DSCAM: variants seen among roughly 807,000 people sequenced by gnomAD.
DSCAM encodes DS cell adhesion molecule, also known as cell adhesion molecule DSCAM.
Under a neutral mutation model 217.7 loss-of-function variants are expected in DSCAM, and 47 were observed. The observed-to-expected ratio is 0.22, with a 90% CI of 0.17 to 0.28. The LOEUF (loss-of-function observed/expected upper bound fraction) is 0.28, where lower values mean the gene tolerates loss of function less well. DSCAM is among the 10% of genes least tolerant of loss of function. The pLI, the probability that DSCAM is intolerant of heterozygous loss-of-function variation, is 1.00. For missense variants in DSCAM, 2,080 were observed against 2,618.3 expected (o/e 0.79, Z 4.49); for synonymous variants, 1,056 against 1,015.3 (o/e 1.04, Z -0.76).
intron 3 of DSCAM, among the ~76,000 whole-genome samples, chr21:40,505,056 C>A (rs1053194717): frequency 2.6e-5 from 4 of 152,166 alleles, no homozygotes; most frequent in Non-Finnish European, 5.9e-5. Flanking sequence ...AAGAGCCTAT[C>A]AATGACTTGG....
chr21:40,269,858 CAA>C (rs1309520841), intron 11 of DSCAM, among the ~76,000 whole-genome samples: 77 of 152,148 alleles, frequency 5.1e-4, no homozygotes, highest in African/African-American at 1.8e-3. Flanking sequence ...ATTATACCTG[CAA>C]TGTGCAAGTA....
At chr21:40,160,386 G>A (rs951777176) in intron 16 of DSCAM, among the ~76,000 whole-genome samples, 4 of 152,052 alleles carry the variant, frequency 2.6e-5, no homozygotes, top group East Asian at 3.9e-4. Flanking sequence ...TTTAACTTAC[G>A]CTAATGTTAC....
intron 1 of DSCAM, among the ~76,000 whole-genome samples, chr21:40,842,263 G>C (rs539655227): frequency 1.3e-5 from 2 of 152,318 alleles, no homozygotes; most frequent in East Asian, 1.9e-4. Context: ...GCCCACACGC[G>C]CTTGTTTGTG....
At chr21:40,219,701 T>C (rs980086052) in intron 11 of DSCAM, among the ~76,000 whole-genome samples, 2 of 152,208 alleles carry the variant, frequency 1.3e-5, no homozygotes, top group Non-Finnish European at 2.9e-5. Context: ...ATGTAAATAT[T>C]TGTGCATCTC....
intron 3 of DSCAM, among the ~76,000 whole-genome samples, chr21:40,608,817 TG>T (rs1462354479): frequency 6.6e-6 from 1 of 152,210 alleles, no homozygotes; most frequent in African/African-American, 2.4e-5. Flanking sequence ...TGGTTTGAAG[TG>T]TACCAGGGAC....
chr21:40,307,886 G>A (rs1341145358), intron 9 of DSCAM, among the ~76,000 whole-genome samples: 1 of 145,780 alleles, frequency 6.9e-6, no homozygotes, highest in Non-Finnish European at 1.5e-5. Flanking sequence ...TGAACAATGA[G>A]AACACATGGA....
intron 30 of DSCAM, 106 bp from the exon 31 acceptor site, chr21:40,044,381 C>T (rs2088809257): frequency 8.5e-6 from 10 of 1,175,996 alleles, no homozygotes; most frequent in Middle Eastern, 2.1e-4. Flanking sequence ...GACTCGCCCA[C>T]GCCCTCCAGG....
intron 18 of DSCAM, among the ~76,000 whole-genome samples, chr21:40,142,336 G>A (rs1163891086): frequency 1.3e-5 from 2 of 152,128 alleles, no homozygotes; most frequent in African/African-American, 2.4e-5. Context: ...CCCAAGTGCC[G>A]CCCCCGCCTA....
intron 3 of DSCAM, among the ~76,000 whole-genome samples, chr21:40,524,309 C>T (rs532634623): frequency 1.3e-5 from 2 of 152,114 alleles, no homozygotes; most frequent in South Asian, 2.1e-4. Context: ...CTTTATTTTT[C>T]GTTAATGAGA....
At chr21:40,487,015 A>C (rs898416954) in intron 3 of DSCAM, among the ~76,000 whole-genome samples, 1 of 152,154 alleles carries the variant, frequency 6.6e-6, no homozygotes, top group Non-Finnish European at 1.5e-5. Flanking sequence ...GTCTGGGAGC[A>C]CCAGGTAAGC....
At chr21:40,810,302 CA>C (rs2091826876) in intron 1 of DSCAM, among the ~76,000 whole-genome samples, 1 of 152,124 alleles carries the variant, frequency 6.6e-6, no homozygotes, top group Non-Finnish European at 1.5e-5. Flanking sequence ...TGGTAATCTT[CA>C]GGGGGAAGAA....
At chr21:40,672,925 A>G (rs1380049790) in intron 3 of DSCAM, among the ~76,000 whole-genome samples, 2 of 152,132 alleles carry the variant, frequency 1.3e-5, no homozygotes, top group Non-Finnish European at 2.9e-5. Flanking sequence ...TAGTCATCTA[A>G]TGGTATGTTT....
intron 1 of DSCAM, among the ~76,000 whole-genome samples, chr21:40,713,500 A>G (rs2090805789): frequency 6.6e-6 from 1 of 152,216 alleles, no homozygotes; most frequent in Admixed American, 6.5e-5. Context: ...TCCTTGCACA[A>G]ATATACCTTA....
intron 3 of DSCAM, among the ~76,000 whole-genome samples, chr21:40,670,382 A>C (rs199596192): frequency 0.78 from 118,559 of 151,788 alleles, 48,829 homozygotes; most frequent in East Asian, 0.98. Context: ...CTAAAACAAA[A>C]AAAAAATTAG....
intron 8 of DSCAM, among the ~76,000 whole-genome samples, chr21:40,327,671 A>T (rs987531874): frequency 1.5e-4 from 23 of 151,924 alleles, no homozygotes; most frequent in African/African-American, 5.6e-4. Flanking sequence ...GTACAATGTT[A>T]GCTGTAGGTT....
intron 3 of DSCAM, among the ~76,000 whole-genome samples, chr21:40,498,630 G>GTATATA (rs373254647): frequency 1.0e-4 from 10 of 99,708 alleles, no homozygotes; most frequent in South Asian, 3.8e-4. Context: ...TATGCACTAT[G>GTATATA]TATATATATA....
intron 8 of DSCAM, among the ~76,000 whole-genome samples, chr21:40,331,014 A>G (rs1184183610): frequency 1.3e-5 from 2 of 152,204 alleles, no homozygotes; most frequent in Non-Finnish European, 2.9e-5. Flanking sequence ...GCCACACACA[A>G]AAGACCCCAG....
chr21:40,818,900 A>C (rs1367523599), intron 1 of DSCAM, among the ~76,000 whole-genome samples: 1 of 152,242 alleles, frequency 6.6e-6, no homozygotes, highest in South Asian at 2.1e-4. Flanking sequence ...ATTATTTTAT[A>C]TAAAAAGAGC....
chr21:40,366,700 A>C (rs917278219), intron 4 of DSCAM, among the ~76,000 whole-genome samples: 1 of 152,060 alleles, frequency 6.6e-6, no homozygotes, highest in Non-Finnish European at 1.5e-5. Flanking sequence ...AGAGATTCTT[A>C]GTTAATTAGG....
Sources: allele counts gnomAD v4.1 joint callset (sites outside exome capture counted in the v4.1 genomes callset), GRCh38; gene constraint gnomAD v4.1.1; transcripts MANE v1.5; gene names NCBI Gene and HGNC (gene_info 2026-07-23, HGNC 2026-07-21).